Variants in EEFSEC observed in about 807,000 individuals in gnomAD.
EEFSEC encodes the protein eukaryotic elongation factor, selenocysteine-tRNA specific.
Under a neutral mutation model 42.1 loss-of-function variants are expected in EEFSEC, and 43 were observed. The ratio of observed to expected loss-of-function variants is 1.02; its 90% CI spans 0.80 to 1.32. The LOEUF is 1.32. Among genes scored for constraint, EEFSEC ranks in the 40% most tolerant of loss-of-function variants. The pLI, the probability that EEFSEC is intolerant of heterozygous loss-of-function variation, is 0.00. For missense variants in EEFSEC, 745 were observed against 803.6 expected, an observed-to-expected ratio of 0.93 and a Z score of 0.88; for synonymous variants, 354 against 339.1, an observed-to-expected ratio of 1.04 and a Z score of -0.48.
chr3:128,242,696 AT>A (rs1379099020), intron 1 of EEFSEC, among the ~76,000 whole-genome samples: 1 of 152,224 alleles, frequency 6.6e-6, no homozygotes, highest in African/African-American at 2.4e-5. Flanking sequence ...ATTAAGATAT[AT>A]AATTTACAGA....
chr3:128,289,617 T>G (rs1261528717), intron 4 of EEFSEC, among the ~76,000 whole-genome samples: 2 of 152,248 alleles, frequency 1.3e-5, no homozygotes, highest in Admixed American at 6.5e-5. Context: ...TTTTAAAATA[T>G]AGGCTTGAGT....
intron 6 of EEFSEC, among the ~76,000 whole-genome samples, chr3:128,404,284 C>A (rs1490293502): frequency 6.6e-6 from 1 of 152,248 alleles, no homozygotes. Flanking sequence ...CATAATAGAG[C>A]AGAGGTAAAC....
intron 4 of EEFSEC, among the ~76,000 whole-genome samples, chr3:128,338,888 G>A (rs567883240): frequency 1.3e-5 from 2 of 151,372 alleles, no homozygotes; most frequent in East Asian, 3.9e-4. Context: ...CTCGTGGCAG[G>A]ACCATGACAA....
intron 1 of EEFSEC, among the ~76,000 whole-genome samples, chr3:128,238,065 C>G (rs922990288): frequency 4.6e-5 from 7 of 152,172 alleles, no homozygotes; most frequent in Admixed American, 2.0e-4. Context: ...GACTGTTGGG[C>G]AATTAGACCT....
At chr3:128,344,740 C>G (rs1035140430) in intron 5 of EEFSEC, among the ~76,000 whole-genome samples, 1 of 152,240 alleles carries the variant, frequency 6.6e-6, no homozygotes, top group Non-Finnish European at 1.5e-5. Flanking sequence ...GGCTCAAGCC[C>G]TTGCTGTACC....
chr3:128,346,914 T>C (rs1414663527), intron 5 of EEFSEC, among the ~76,000 whole-genome samples: 1 of 152,212 alleles, frequency 6.6e-6, no homozygotes, highest in East Asian at 1.9e-4. Flanking sequence ...TTAGAAAATA[T>C]AAAAACCCTT....
At chr3:128,314,725 G>A (rs2066926417) in intron 4 of EEFSEC, among the ~76,000 whole-genome samples, 6 of 152,186 alleles carry the variant, frequency 3.9e-5, no homozygotes, top group Admixed American at 3.9e-4. Flanking sequence ...ATCCCTGTCT[G>A]TACCCAGTAG....
intron 5 of EEFSEC, among the ~76,000 whole-genome samples, chr3:128,343,070 G>A (rs971138571): frequency 1.1e-4 from 17 of 152,220 alleles, no homozygotes; most frequent in African/African-American, 4.1e-4. Flanking sequence ...CTCCTAGCAG[G>A]AGGGGTCTGC....
Position 128,274,677 on chromosome 3 carries a change from C to T in EEFSEC, c.786+9896C>T, listed in dbSNP as rs575018066. 1.7e-3 allele frequency among the ~76,000 whole-genome samples: 260 copies of T among 152,298 alleles called. 3 individuals carry two copies. The highest frequency in any genetic ancestry group is 5.8e-3 in the African/African-American group (243 of 41,560). Reference sequence around the variant, plus strand: ...TGGAATTAAATGAGTTTTATTGTTTCTAGGACAAGATAGGGATTTGATTAG... The same window carrying T: ...TGGAATTAAATGAGTTTTATTGTTTTTAGGACAAGATAGGGATTTGATTAG... On this transcript the variant is annotated intron_variant, in intron 4 of 6. Coordinates refer to ENST00000254730, the MANE Select transcript of EEFSEC (RefSeq NM_021937.5).
Position 128,358,380 on chromosome 3 carries a change from G to A in EEFSEC, c.1600+7G>A, listed in dbSNP as rs767214624. On this transcript the variant is annotated splice_region_variant and intron_variant, in intron 6 of 6. Coordinates refer to ENST00000254730, the MANE Select transcript of EEFSEC (RefSeq NM_021937.5). ...TTCAAGATCCACATCCCAGGTAAGT[G>A]CAGCCACTTCCTCCCGGTTTAGGGA... 4.3e-6 allele frequency: 7 copies of A among 1,613,910 alleles called. No homozygotes were observed. Among genetic ancestry groups the A allele is most frequent in the South Asian group, 3.3e-5 (3 of 91,070 alleles).
intron 4 of EEFSEC, among the ~76,000 whole-genome samples, chr3:128,307,198 C>T (rs1190720004): frequency 6.6e-6 from 1 of 152,244 alleles, no homozygotes; most frequent in Non-Finnish European, 1.5e-5. Context: ...GGCTGGCAGG[C>T]ACCCTCTGAG....
chr3:128,190,925 T>C (rs1448901922), intron 1 of EEFSEC, among the ~76,000 whole-genome samples: 9 of 152,156 alleles, frequency 5.9e-5, no homozygotes, highest in Admixed American at 5.9e-4. Context: ...CGCCTGGGGG[T>C]ATTTTTTTTA....
chr3:128,337,428 G>C (rs571738422), intron 4 of EEFSEC, among the ~76,000 whole-genome samples: 94 of 152,280 alleles, frequency 6.2e-4, no homozygotes, highest in Admixed American at 1.2e-3. Context: ...CTTGACGTTC[G>C]GCTTGATGGG....
chr3:128,308,438 TTCTGATCCTCTC>T (rs1234922596), intron 4 of EEFSEC, among the ~76,000 whole-genome samples: 2 of 152,182 alleles, frequency 1.3e-5, no homozygotes, highest in Admixed American at 6.5e-5. Flanking sequence ...AAGTACTAAT[TTCTGATCCTCTC>T]AGGAATCTTC....
At chr3:128,162,733 CAT>C (rs1398377356) in intron 1 of EEFSEC, among the ~76,000 whole-genome samples, 2 of 152,022 alleles carry the variant, frequency 1.3e-5, no homozygotes, top group Non-Finnish European at 2.9e-5. Context: ...GAGAACAAAA[CAT>C]ATCAAAAGTT....
At chr3:128,269,115 C>G (rs1262802725) in intron 4 of EEFSEC, among the ~76,000 whole-genome samples, 2 of 152,208 alleles carry the variant, frequency 1.3e-5, no homozygotes, top group Non-Finnish European at 1.5e-5. Context: ...TCCTTTCTTT[C>G]CTGGCATGCC....
At chr3:128,240,319 G>A (rs1277481833) in intron 1 of EEFSEC, among the ~76,000 whole-genome samples, 2 of 152,174 alleles carry the variant, frequency 1.3e-5, no homozygotes, top group African/African-American at 2.4e-5. Context: ...TTAGGGCTGA[G>A]TCTCTCCTAA....
At chr3:128,183,236 C>CT (rs2065430249) in intron 1 of EEFSEC, among the ~76,000 whole-genome samples, 1 of 152,124 alleles carries the variant, frequency 6.6e-6, no homozygotes, top group Non-Finnish European at 1.5e-5. Context: ...TTCCTAAACC[C>CT]TTTAACCTGT....
At chr3:128,253,206 A>G (rs540933776) in intron 2 of EEFSEC, among the ~76,000 whole-genome samples, 4 of 152,218 alleles carry the variant, frequency 2.6e-5, no homozygotes, top group Non-Finnish European at 5.9e-5. Context: ...CTTTATAGGT[A>G]ATCTCTGGAA....
Sources: gnomAD v4.1 joint callset for allele counts (sites outside exome capture counted in the v4.1 genomes callset) on GRCh38, gnomAD v4.1.1 for gene constraint, MANE v1.5 for transcripts, NCBI Gene and HGNC (gene_info 2026-07-23, HGNC 2026-07-21) for gene names.